The following TET1 variants were observed in gnomAD, a reference collection of about 807,000 sequenced individuals.
The protein encoded by TET1 is methylcytosine dioxygenase TET1.
TET1 carries 13 observed loss-of-function variants against 148.7 expected under a neutral mutation model. That is an observed-to-expected ratio of 0.09 (90% CI 0.06 to 0.14). TET1 has a LOEUF of 0.14. TET1 is among the 10% of genes least tolerant of loss of function. TET1 has a pLI of 1.00. For synonymous variants in TET1, 907 were observed against 937.2 expected (o/e 0.97, Z 0.59); for missense variants, 2,182 against 2,553.8 (o/e 0.85, Z 3.14).
At chr10:68,586,486 T>TTTTTG (rs1293916928) in intron 2 of TET1, among the ~76,000 whole-genome samples, 6 of 2,234 alleles carry the variant, frequency 2.7e-3, no homozygotes. Flanking sequence ...CCAGCTAACG[T>TTTTTG]TTTTTTTTTT....
At chr10:68,596,976 C>G (rs1394151119) in intron 2 of TET1, among the ~76,000 whole-genome samples, 3 of 146,914 alleles carry the variant, frequency 2.0e-5, no homozygotes, top group African/African-American at 7.6e-5. Context: ...ACCTAACCCT[C>G]TGAGCCTGAT....
At chr10:68,675,599 T>C (rs1411411955) in intron 8 of TET1, among the ~76,000 whole-genome samples, 1 of 146,194 alleles carries the variant, frequency 6.8e-6, no homozygotes, top group East Asian at 2.0e-4. Context: ...TGGGTCTCGC[T>C]CTGTCATCCA....
chr10:68,623,311 T>A (rs1564973855), intron 3 of TET1, among the ~76,000 whole-genome samples: 1 of 152,254 alleles, frequency 6.6e-6, no homozygotes. Flanking sequence ...TATATTAATA[T>A]AAACTTACAG....
At chr10:68,624,642 TTCTTTCTTTCTTTCTTTCTC>T (rs1423468958) in intron 3 of TET1, among the ~76,000 whole-genome samples, 18 of 50,382 alleles carry the variant, frequency 3.6e-4, no homozygotes, top group African/African-American at 2.0e-3. Flanking sequence ...CTTTCTTTCT[TTCTTTCTTTCTTTCTTTCTC>T]TCTCTCTCTC....
intron 3 of TET1, among the ~76,000 whole-genome samples, chr10:68,640,544 C>CTTTTTTTTT (rs60460824): frequency 0.012 from 501 of 42,896 alleles, 103 homozygotes; most frequent in Non-Finnish European, 0.013. Context: ...TTCTTTCTTT[C>CTTTTTTTTT]TTTTTTTTTT....
chr10:68,588,791 T>C (rs2053887292), intron 2 of TET1, among the ~76,000 whole-genome samples: 1 of 151,540 alleles, frequency 6.6e-6, no homozygotes, highest in Non-Finnish European at 1.5e-5. Context: ...TTTTTAATTT[T>C]ACTTAAAATA....
chr10:68,652,541 G>C lies in TET1; in HGVS notation c.4408G>C (p.Val1470Leu), dbSNP rs781261477. Residue 1470 changes from valine to leucine, a missense_variant, in exon 6 of 12, where the codon GTG becomes CTG. Val to Leu is a conservative substitution (Grantham distance 32, BLOSUM62 1). Coordinates refer to ENST00000373644, the MANE Select transcript of TET1 (RefSeq NM_030625.3). Reference sequence around the variant, plus strand: ...AAACGCAATAAGGATAGAAATAGTAGTGTACACCGGTAAAGAAGGGAAAAG... The same window carrying C: ...AAACGCAATAAGGATAGAAATAGTACTGTACACCGGTAAAGAAGGGAAAAG... ...KGNAIRIEIV[V>L]YTGKEGKSSH... The C allele has an allele frequency of 5.0e-6, 8 of 1,613,252 alleles. No homozygotes were observed. The South Asian group carries it at 5.5e-5, about 11-fold the overall frequency.
In TET1 at chr10:68,644,759, G is replaced by A. The variant is rs760959991; in HGVS notation, c.2030G>A (p.Cys677Tyr). The change falls in exon 4 of 12, where the codon TGT (cysteine) becomes TAT (tyrosine). Residue 677 changes from cysteine to tyrosine, a missense_variant. By Grantham distance (194) the Cys-to-Tyr change is radical. This residue lies in a region of TET1 where 226 missense variants were observed against 307.4 expected (regional missense o/e 0.74). Coordinates refer to ENST00000373644, the MANE Select transcript of TET1 (RefSeq NM_030625.3). Reference protein sequence around the residue: ...PKSESMDYSRCGHGEEQKLEL... With the variant: ...PKSESMDYSRYGHGEEQKLEL... ...TCAGAATCCATGGACTACAGTAGAT[G>A]TGGTCATGGGGAAGAACAAAAATTG... 4 of 1,611,832 alleles carry A rather than the reference G, an allele frequency of 2.5e-6. No individual in the cohort carries two copies. The East Asian group carries it at 8.9e-5, about 36-fold the overall frequency.
intron 3 of TET1, among the ~76,000 whole-genome samples, chr10:68,628,002 T>C: frequency 6.6e-6 from 1 of 152,126 alleles, no homozygotes; most frequent in Non-Finnish European, 1.5e-5. Context: ...TTATTACTAT[T>C]ATTATTTTTG....
intron 2 of TET1, among the ~76,000 whole-genome samples, chr10:68,579,807 C>T (rs560681606): frequency 6.6e-6 from 1 of 152,298 alleles, no homozygotes; most frequent in African/African-American, 2.4e-5. Flanking sequence ...CTACTTGCTG[C>T]AGCAGTATAC....
intron 2 of TET1, among the ~76,000 whole-genome samples, chr10:68,583,878 A>T (rs2053829443): frequency 6.6e-6 from 1 of 151,680 alleles, no homozygotes; most frequent in African/African-American, 2.4e-5. Flanking sequence ...ACCACTGCAC[A>T]CCAGTCTGGC....
At chr10:68,676,247 TATATATATATATATA>T (rs2055350238) in intron 8 of TET1, among the ~76,000 whole-genome samples, 1 of 14,228 alleles carries the variant, frequency 7.0e-5, no homozygotes, top group Non-Finnish European at 1.2e-4. Flanking sequence ...TATATATATA[TATATATATATATATA>T]TATATATTTT....
chr10:68,615,004 G>A (rs958812933), intron 3 of TET1, among the ~76,000 whole-genome samples: 5 of 149,682 alleles, frequency 3.3e-5, no homozygotes, highest in Non-Finnish European at 7.4e-5. Flanking sequence ...GTGTGATATC[G>A]GCTCACTGCA....
rs1342068558 is a variant in TET1 at position 68,692,048 on chromosome 10, A to G, written c.*234A>G. ...ATAAAAGTTTTATAGTTTTAAATAC[A>G]TAAAGAAATGTTTCAGTTAGGCATT... On this transcript the variant is annotated 3_prime_UTR_variant, in exon 12 of 12. Transcript: ENST00000373644. 1.2e-5 allele frequency: 6 copies of G among 484,564 alleles called. No individual in the cohort carries two copies. Among genetic ancestry groups the G allele is most frequent in the South Asian group, 4.3e-5 (1 of 23,222 alleles). 30.0% of individuals were successfully genotyped at this position (484,564 alleles called of 1,614,324 possible). A position where few individuals can be genotyped will look rare whatever the true frequency, so the allele number is the denominator to read the frequency against.
intron 6 of TET1, among the ~76,000 whole-genome samples, chr10:68,665,038 C>T (rs2055178095): frequency 6.6e-6 from 1 of 152,116 alleles, no homozygotes; most frequent in Non-Finnish European, 1.5e-5. Context: ...TTCCGAAATC[C>T]TGGCATTACA....
intron 10 of TET1, among the ~76,000 whole-genome samples, chr10:68,684,394 G>A (rs1045906995): frequency 7.9e-5 from 10 of 126,988 alleles, no homozygotes; most frequent in African/African-American, 2.1e-4. Context: ...TTTTTTTTGC[G>A]TATCATTCCT....
At chr10:68,642,977 G>A (rs2054781245) in intron 3 of TET1, among the ~76,000 whole-genome samples, 2 of 152,080 alleles carry the variant, frequency 1.3e-5, no homozygotes, top group South Asian at 4.1e-4. Flanking sequence ...GAAAAATTAG[G>A]TTGGGTGCAG....
At chr10:68,563,108 C>T (rs1031171889) in intron 1 of TET1, among the ~76,000 whole-genome samples, 21 of 152,066 alleles carry the variant, frequency 1.4e-4, no homozygotes, top group African/African-American at 5.1e-4. Context: ...AGTTCTATGT[C>T]CATTCTAACG....
At position 68,573,671 on chromosome 10, in the gene TET1, G is replaced by T. The variant is rs772173706; in HGVS notation, c.1333G>T (p.Ala445Ser). The change falls in exon 2 of 12, where the codon GCT (alanine) becomes TCT (serine). Residue 445 changes from alanine (A) to serine (S), a missense_variant. By Grantham distance (99) the Ala-to-Ser change is moderately conservative. Around this residue, in one of 11 missense-constraint regions of TET1, gnomAD observed 665 missense variants for 672.4 expected, o/e 0.99. Coordinates refer to ENST00000373644, the MANE Select transcript of TET1 (RefSeq NM_030625.3). ...VPPNPIATFN[A>S]PSKWPEPQST... ...TCCAAATCCAATTGCTACCTTTAAT[G>T]CTCCTTCCAAATGGCCTGAGCCCCA... is the stretch of plus-strand genomic sequence containing the variant. 6.2e-7 allele frequency: 1 copy of T among 1,614,066 alleles called. No individual in the cohort carries two copies.
Sources: gnomAD v4.1 joint callset for allele counts (sites outside exome capture counted in the v4.1 genomes callset) on GRCh38, gnomAD v4.1.1 for gene constraint, gnomAD v4.1.1 regional missense constraint, MANE v1.5 for transcripts, NCBI Gene and HGNC (gene_info 2026-07-23, HGNC 2026-07-21) for gene names.